HSPA12A: variants seen among roughly 807,000 people sequenced by gnomAD.
The protein encoded by HSPA12A is heat shock protein family A (Hsp70) member 12A, also known as heat shock 70 kDa protein 12A.
Under a neutral mutation model 69.2 loss-of-function variants are expected in HSPA12A, and 28 were observed. The observed-to-expected ratio is 0.40, with a 90% CI of 0.30 to 0.55. The LOEUF (loss-of-function observed/expected upper bound fraction) is 0.55, where lower values mean the gene tolerates loss of function less well. HSPA12A is among the 20% of genes least tolerant of loss of function. The probability of loss-of-function intolerance (pLI) is 0.38; values close to 1 mark genes in which losing one functional copy is unlikely to be tolerated. For synonymous variants in HSPA12A, 345 were observed against 370.5 expected (o/e 0.93, Z 0.79); for missense variants, 686 against 900.7 (o/e 0.76, Z 3.05).
chr10:116,806,602 T>G (rs1439822248), intron 2 of HSPA12A, among the ~76,000 whole-genome samples: 1 of 152,192 alleles, frequency 6.6e-6, no homozygotes, highest in Non-Finnish European at 1.5e-5. Context: ...AATCATTTTT[T>G]GACACAAGGT....
chr10:116,744,927 C>G (rs1225192300), upstream of HSPA12A, among the ~76,000 whole-genome samples: 3 of 152,146 alleles, frequency 2.0e-5, no homozygotes, highest in Non-Finnish European at 4.4e-5. Context: ...AGAGAGAGAG[C>G]ATGTCATTCT....
intron 2 of HSPA12A, among the ~76,000 whole-genome samples, chr10:116,778,503 G>A (rs1284679333): frequency 3.9e-5 from 6 of 152,184 alleles, no homozygotes; most frequent in African/African-American, 1.4e-4. Flanking sequence ...TGCTCCTGAA[G>A]GAGCTCAGGC....
chr10:116,816,899 G>A (rs996685510), intron 2 of HSPA12A, among the ~76,000 whole-genome samples: 14 of 152,262 alleles, frequency 9.2e-5, no homozygotes, highest in Admixed American at 2.6e-4. Context: ...TTCTGGTGGG[G>A]AAATCAATCC....
At chr10:116,799,105 C>CGGA (rs970048206) in intron 2 of HSPA12A, among the ~76,000 whole-genome samples, 3 of 152,088 alleles carry the variant, frequency 2.0e-5, no homozygotes, top group African/African-American at 7.2e-5. Flanking sequence ...GTGTCACTGA[C>CGGA]GGAGGATTAA....
intron 2 of HSPA12A, among the ~76,000 whole-genome samples, chr10:116,816,730 CA>C (rs1206647319): frequency 6.6e-6 from 1 of 152,166 alleles, no homozygotes; most frequent in Non-Finnish European, 1.5e-5. Context: ...TTCAGGGTGA[CA>C]AAAGTCTTCC....
chr10:116,796,268 C>T (rs1040126631), intron 2 of HSPA12A, among the ~76,000 whole-genome samples: 5 of 151,858 alleles, frequency 3.3e-5, no homozygotes, highest in African/African-American at 4.8e-5. Flanking sequence ...ACTCAGTTCA[C>T]GTTAGCTGTT....
intron 3 of HSPA12A, among the ~76,000 whole-genome samples, chr10:116,704,691 G>A (rs1443230844): frequency 3.3e-5 from 5 of 152,158 alleles, no homozygotes; most frequent in Admixed American, 1.3e-4. Flanking sequence ...GCACTTAATG[G>A]ACAATCTCCT....
intron 1 of HSPA12A, among the ~76,000 whole-genome samples, chr10:116,716,771 C>T (rs991413476): frequency 6.6e-6 from 1 of 152,104 alleles, no homozygotes; most frequent in Non-Finnish European, 1.5e-5. Flanking sequence ...GCCTCACCTC[C>T]CTCTGTGCCC....
chr10:116,850,146 A>T (rs1415209855), upstream of HSPA12A: 2 of 276,574 alleles, frequency 7.2e-6, no homozygotes, highest in Non-Finnish European at 1.4e-5. Flanking sequence ...TGATCACAGG[A>T]TGAACACCTT....
intron 2 of HSPA12A, among the ~76,000 whole-genome samples, chr10:116,774,883 G>C (rs187238471): frequency 6.5e-4 from 99 of 152,206 alleles, no homozygotes; most frequent in African/African-American, 2.3e-3. Flanking sequence ...CCAGCCCCTC[G>C]TGTTGGCTAT....
intron 6 of HSPA12A, among the ~76,000 whole-genome samples, chr10:116,689,813 AAAAC>A: frequency 6.6e-6 from 1 of 152,088 alleles, no homozygotes; most frequent in Middle Eastern, 3.4e-3. Flanking sequence ...AAAAAAAAAA[AAAAC>A]AATGACCCAG....
At chr10:116,689,835 G>A (rs1554879943) in intron 6 of HSPA12A, among the ~76,000 whole-genome samples, 2 of 151,550 alleles carry the variant, frequency 1.3e-5, no homozygotes. Flanking sequence ...CAGCTCAAAG[G>A]CAGTCATGCA....
At chr10:116,702,380 G>C (rs1434556579) in intron 3 of HSPA12A, among the ~76,000 whole-genome samples, 1 of 152,154 alleles carries the variant, frequency 6.6e-6, no homozygotes, top group African/African-American at 2.4e-5. Flanking sequence ...TCACCCACTG[G>C]AGAGGTGGCC....
intron 2 of HSPA12A, among the ~76,000 whole-genome samples, chr10:116,823,299 A>G (rs1351067300): frequency 6.6e-6 from 1 of 152,262 alleles, no homozygotes; most frequent in Non-Finnish European, 1.5e-5. Context: ...GTTGAAAGAC[A>G]TTAAAGAAGA....
intron 2 of HSPA12A, among the ~76,000 whole-genome samples, chr10:116,821,002 C>A (rs1311352412): frequency 6.6e-6 from 1 of 152,132 alleles, no homozygotes; most frequent in Non-Finnish European, 1.5e-5. Flanking sequence ...TCCCCCTGCA[C>A]CCCTGCAAAA....
At chr10:116,797,653 T>C (rs915726454) in intron 2 of HSPA12A, among the ~76,000 whole-genome samples, 6 of 152,048 alleles carry the variant, frequency 3.9e-5, no homozygotes, top group Non-Finnish European at 8.8e-5. Flanking sequence ...AGCTGTTTAG[T>C]AGATGAAGGG....
exon 1 of HSPA12A, chr10:116,849,707 G>T: frequency 6.5e-7 from 1 of 1,535,900 alleles, no homozygotes; most frequent in Non-Finnish European, 8.8e-7. Context: ...TCTACCTCCA[G>T]CCTGCCGACG....
chr10:116,695,382 C>T (rs1403820428), intron 5 of HSPA12A, among the ~76,000 whole-genome samples: 2 of 152,156 alleles, frequency 1.3e-5, no homozygotes, highest in African/African-American at 2.4e-5. Flanking sequence ...CGGATTTTTG[C>T]TGCCATAAAA....
chr10:116,814,358 G>A (rs960881532), intron 2 of HSPA12A, among the ~76,000 whole-genome samples: 1 of 152,156 alleles, frequency 6.6e-6, no homozygotes, highest in Admixed American at 6.6e-5. Flanking sequence ...GCCAGCTGTT[G>A]GTGAGGATCC....
Sources: gnomAD v4.1 joint callset for allele counts (sites outside exome capture counted in the v4.1 genomes callset) on GRCh38, gnomAD v4.1.1 for gene constraint, MANE v1.5 for transcripts, NCBI Gene and HGNC (gene_info 2026-07-23, HGNC 2026-07-21) for gene names.